TMEFF2: variants seen among roughly 807,000 people sequenced by gnomAD.
TMEFF2 encodes tomoregulin-2.
Under a neutral mutation model 53.8 loss-of-function variants are expected in TMEFF2, and 28 were observed. The ratio of observed to expected loss-of-function variants is 0.52; its 90% CI spans 0.39 to 0.71. The LOEUF (loss-of-function observed/expected upper bound fraction) is 0.71, where lower values mean the gene tolerates loss of function less well. Ranked by LOEUF, TMEFF2 falls within the 30% of genes least tolerant of loss-of-function variation. The pLI is 0.00. For missense variants in TMEFF2, 353 were observed against 455.2 expected, an observed-to-expected ratio of 0.78 and a Z score of 2.04; for synonymous variants, 162 against 166.3, an observed-to-expected ratio of 0.97 and a Z score of 0.20.
chr2:192,145,650 A>G (rs1690233319), intron 4 of TMEFF2, among the ~76,000 whole-genome samples: 1 of 151,526 alleles, frequency 6.6e-6, no homozygotes, highest in East Asian at 1.9e-4. Flanking sequence ...TGAGAAGAAC[A>G]GAGTCATGGC....
At chr2:191,973,287 A>G (rs771906084) in intron 7 of TMEFF2, among the ~76,000 whole-genome samples, 6 of 151,930 alleles carry the variant, frequency 3.9e-5, no homozygotes, top group Non-Finnish European at 8.8e-5. Context: ...AGATTATTAA[A>G]TAATATTATT....
intron 5 of TMEFF2, among the ~76,000 whole-genome samples, chr2:192,042,873 G>T (rs964462408): frequency 6.6e-6 from 1 of 152,150 alleles, no homozygotes; most frequent in Non-Finnish European, 1.5e-5. Flanking sequence ...CACACCAAAA[G>T]GGTCCAGAAG....
chr2:192,125,789 T>C (rs913416250), intron 4 of TMEFF2, among the ~76,000 whole-genome samples: 2 of 152,146 alleles, frequency 1.3e-5, no homozygotes, highest in African/African-American at 4.8e-5. Context: ...AACCAAACAC[T>C]ACATGTTCTC....
At chr2:192,064,240 T>C (rs192840698) in intron 4 of TMEFF2, among the ~76,000 whole-genome samples, 1 of 151,962 alleles carries the variant, frequency 6.6e-6, no homozygotes, top group African/African-American at 2.4e-5. Flanking sequence ...AATATGTATC[T>C]TTAAATTATT....
In TMEFF2 at chr2:192,194,701, C is replaced by A; in HGVS notation, c.-177G>T. ...CCGCGCATGATCTCGAGAGTTTCAGCAACATCCAGGGACTGGGCTCAGCCC... is the reference window on the plus strand; with the variant it reads ...CCGCGCATGATCTCGAGAGTTTCAGAAACATCCAGGGACTGGGCTCAGCCC... On this transcript the variant is annotated 5_prime_UTR_variant, in exon 1 of 10. Transcript: ENST00000272771. This position sits in a 1 kb window ranked among gnomAD's most constrained non-coding sequence, Gnocchi z 4.2. 3.0e-6 allele frequency: 2 copies of A among 663,660 alleles called. No individual in the cohort carries two copies. The highest frequency in any genetic ancestry group is 5.5e-5 in the East Asian group (2 of 36,368). The allele number at this position is 663,660 out of a possible 1,614,324, so 41.1% of individuals were successfully genotyped here.
At chr2:192,124,936 A>G (rs1413556055) in intron 4 of TMEFF2, among the ~76,000 whole-genome samples, 1 of 152,058 alleles carries the variant, frequency 6.6e-6, no homozygotes, top group Non-Finnish European at 1.5e-5. Flanking sequence ...GTCCCCTTTA[A>G]TTACTTGTCT....
At chr2:192,001,472 A>G (rs1374432916) in intron 5 of TMEFF2, among the ~76,000 whole-genome samples, 3 of 152,170 alleles carry the variant, frequency 2.0e-5, no homozygotes, top group Non-Finnish European at 4.4e-5. Flanking sequence ...ATAGACAGAA[A>G]GTAATTGGCA....
chr2:192,132,737 T>C (rs928784126), intron 4 of TMEFF2, among the ~76,000 whole-genome samples: 15 of 152,264 alleles, frequency 9.9e-5, no homozygotes, highest in East Asian at 5.8e-4. Flanking sequence ...AAGGAATGCC[T>C]GCAGCCCAGG....
chr2:192,075,285 T>TTATATATATATATATATAAATA lies in TMEFF2; in HGVS notation c.440-17511_440-17510insTATTTATATATATATATATATA, dbSNP rs59510075. On this transcript the variant is annotated intron_variant, in intron 4 of 9. Coordinates refer to ENST00000272771, the MANE Select transcript of TMEFF2 (RefSeq NM_016192.4). ...TTATTATACCCAGAGTACAGTACTA[T>TTATATATATATATATATAAATA]TATATATATATATATATATATATAT... 1.6e-3 allele frequency among the ~76,000 whole-genome samples: 105 copies of TTATATATATATATATATAAATA among 65,730 alleles called. 5 individuals are homozygous for TTATATATATATATATATAAATA. The highest frequency in any genetic ancestry group is 4.3e-3 in the East Asian group (2 of 470). 43.1% of individuals were successfully genotyped at this position (65,730 alleles called of 152,430 possible). A position where few individuals can be genotyped will look rare whatever the true frequency, so the allele number is the denominator to read the frequency against.
At chr2:192,099,203 A>G (rs1688980946) in intron 4 of TMEFF2, among the ~76,000 whole-genome samples, 1 of 152,092 alleles carries the variant, frequency 6.6e-6, no homozygotes, top group African/African-American at 2.4e-5. Context: ...TAGTAAACAA[A>G]ATGTTATTTT....
chr2:192,098,224 T>C (rs1688958986), intron 4 of TMEFF2, among the ~76,000 whole-genome samples: 1 of 152,224 alleles, frequency 6.6e-6, no homozygotes, highest in Admixed American at 6.5e-5. Flanking sequence ...GGTAACATTC[T>C]ATCAAGCAAA....
chr2:192,124,158 A>G lies in TMEFF2; in HGVS notation c.439+55510T>C, dbSNP rs76478229. On this transcript the variant is annotated intron_variant, in intron 4 of 9. Coordinates refer to ENST00000272771, the MANE Select transcript of TMEFF2 (RefSeq NM_016192.4). ...CTGGGTTACAAATCTCATCCAGAGCATTTGGATTTAATCAATCACCTGATT... is the reference window on the plus strand; with the variant it reads ...CTGGGTTACAAATCTCATCCAGAGCGTTTGGATTTAATCAATCACCTGATT... Among the ~76,000 whole-genome samples, 1,331 of 152,312 alleles carry G rather than the reference A, an allele frequency of 8.7e-3. 47 individuals are homozygous for G. In the East Asian group the frequency reaches 0.11, roughly 13 times the overall value.
intron 7 of TMEFF2, among the ~76,000 whole-genome samples, chr2:191,964,404 CTTTCTTTCTT>C (rs1692405505): frequency 7.8e-4 from 58 of 74,498 alleles, no homozygotes; most frequent in African/African-American, 3.5e-3. Context: ...CTTTCTCTTT[CTTTCTTTCTT>C]TCTTTCTTTC....
At chr2:192,037,625 A>AGGAGAGAAAG (rs1687357349) in intron 5 of TMEFF2, among the ~76,000 whole-genome samples, 2 of 80,910 alleles carry the variant, frequency 2.5e-5, no homozygotes, top group African/African-American at 7.2e-5. Flanking sequence ...AAAGAGAGAG[A>AGGAGAGAAAG]GGAGAGAAAG....
intron 4 of TMEFF2, among the ~76,000 whole-genome samples, chr2:192,078,234 C>T (rs1308153260): frequency 6.6e-6 from 1 of 152,050 alleles, no homozygotes; most frequent in Non-Finnish European, 1.5e-5. Context: ...AGCCTTAGTT[C>T]CATCATCTGT....
intron 4 of TMEFF2, among the ~76,000 whole-genome samples, chr2:192,134,855 C>G (rs904192292): frequency 4.6e-5 from 7 of 152,168 alleles, no homozygotes; most frequent in South Asian, 2.1e-4. Flanking sequence ...TTAGTCAAAT[C>G]AGCCAAGCAT....
At chr2:192,031,472 C>T (rs1020592905) in intron 5 of TMEFF2, 5 of 152,100 alleles carry the variant, frequency 3.3e-5, no homozygotes, top group African/African-American at 1.2e-4. Context: ...ACGGAAGCCT[C>T]AGAACTAGAT....
At chr2:192,054,632 A>T (rs1308705510) in intron 5 of TMEFF2, among the ~76,000 whole-genome samples, 2 of 152,130 alleles carry the variant, frequency 1.3e-5, no homozygotes, top group Non-Finnish European at 2.9e-5. Context: ...TACCTAGACC[A>T]GCTCTAACCT....
At chr2:192,135,371 A>G (rs963425419) in intron 4 of TMEFF2, among the ~76,000 whole-genome samples, 11 of 136,444 alleles carry the variant, frequency 8.1e-5, no homozygotes, top group African/African-American at 2.7e-4. Context: ...TAGACCTTTT[A>G]TACCTGTTTT....
Sources: allele counts gnomAD v4.1 joint callset (sites outside exome capture counted in the v4.1 genomes callset), GRCh38; gene constraint gnomAD v4.1.1; non-coding constraint Gnocchi (gnomAD v3.1); transcripts MANE v1.5; gene names NCBI Gene and HGNC (gene_info 2026-07-23, HGNC 2026-07-21).